IMPG1: variants seen among roughly 807,000 people sequenced by gnomAD.
The protein encoded by IMPG1 is interphotoreceptor matrix proteoglycan 1, also known as interphotoreceptor matrix proteoglycan of 150 kDa.
In IMPG1, 85 loss-of-function variants were observed where a neutral mutation model predicts 92.0. The ratio of observed to expected loss-of-function variants is 0.92; its 90% CI spans 0.78 to 1.11. IMPG1 has a LOEUF of 1.11. Among genes scored for constraint, IMPG1 ranks in the 50% least tolerant of loss-of-function variants. IMPG1 has a pLI of 0.00. For synonymous variants in IMPG1, 367 were observed against 334.1 expected, an observed-to-expected ratio of 1.10 and a Z score of -1.08; for missense variants, 1,022 against 956.0, an observed-to-expected ratio of 1.07 and a Z score of -0.91.
chr6:75,924,486 A>AATATAATATT (rs1367619168), intron 15 of IMPG1, among the ~76,000 whole-genome samples: 3 of 92,460 alleles, frequency 3.2e-5, no homozygotes, highest in African/African-American at 1.3e-4. Context: ...TATATATTAT[A>AATATAATATT]ATATAATATA....
chr6:76,059,733 C>T (rs1214411550), intron 1 of IMPG1, among the ~76,000 whole-genome samples: 1 of 152,154 alleles, frequency 6.6e-6, no homozygotes, highest in Non-Finnish European at 1.5e-5. Context: ...ACTTGGCACT[C>T]TCTGCCTTAG....
At position 76,018,835 on chromosome 6, in the gene IMPG1, C is replaced by T; in HGVS notation, c.690G>A (p.Val230=). The change falls in exon 7 of 17, where the codon GTG becomes GTA. Residue 230 remains valine, a synonymous_variant. Transcript: ENST00000369950. ...PTTERETEFA[V]LEEQRVELSV... ...TGAGCTCCACCCTCTGCTCCTCCAA[C>T]ACAGCGAATTCTGTTTCTCTTTCCT... is the stretch of plus-strand genomic sequence containing the variant. 6 of 1,599,094 alleles carry T rather than the reference C, an allele frequency of 3.8e-6. 1 individual carries two copies. The East Asian group carries it at 1.4e-4, about 36-fold the overall frequency.
intron 14 of IMPG1, among the ~76,000 whole-genome samples, 164 bp from the exon 15 acceptor site, chr6:75,931,315 T>C (rs1781666145): frequency 6.6e-6 from 1 of 152,254 alleles, no homozygotes; most frequent in Non-Finnish European, 1.5e-5. Flanking sequence ...ATTCTGTATC[T>C]TTGAAAAATG....
intron 2 of IMPG1, among the ~76,000 whole-genome samples, chr6:76,038,186 T>C (rs1280424828): frequency 1.3e-5 from 2 of 152,200 alleles, no homozygotes; most frequent in Non-Finnish European, 2.9e-5. Flanking sequence ...AGAGGTACTA[T>C]TTTTGTTGTG....
intron 1 of IMPG1, among the ~76,000 whole-genome samples, chr6:76,047,311 G>A (rs1333829061): frequency 1.3e-5 from 2 of 152,126 alleles, no homozygotes; most frequent in South Asian, 2.1e-4. Flanking sequence ...CCAGTGAAAT[G>A]TTACATTCTC....
chr6:76,071,706 A>G (rs1020262167), intron 1 of IMPG1, among the ~76,000 whole-genome samples: 3 of 152,136 alleles, frequency 2.0e-5, no homozygotes, highest in Non-Finnish European at 4.4e-5. Flanking sequence ...CAAATGTCTT[A>G]AAAAGATTGA....
intron 12 of IMPG1, among the ~76,000 whole-genome samples, chr6:75,987,882 C>T (rs1782744996): frequency 1.3e-5 from 2 of 152,208 alleles, no homozygotes; most frequent in South Asian, 2.1e-4. Context: ...CTCCTGACCT[C>T]GTGATCCACC....
intron 13 of IMPG1, 62 bp from the exon 14 acceptor site, chr6:75,947,595 C>T: frequency 9.5e-7 from 1 of 1,049,222 alleles, no homozygotes; most frequent in Non-Finnish European, 1.4e-6. Flanking sequence ...CTGCTAATTC[C>T]ACTTACACTC....
chr6:76,020,240 A>G (rs912217773), intron 6 of IMPG1, among the ~76,000 whole-genome samples: 1 of 151,960 alleles, frequency 6.6e-6, no homozygotes, highest in Admixed American at 6.6e-5. Flanking sequence ...TTTTGTGAAG[A>G]TGGGGTCTCC....
chr6:76,061,547 T>A (rs1335506338), intron 1 of IMPG1, among the ~76,000 whole-genome samples: 1 of 152,124 alleles, frequency 6.6e-6, no homozygotes, highest in African/African-American at 2.4e-5. Context: ...AAATGCAAAT[T>A]CCCTGACATC....
At chr6:76,019,802 G>A (rs1783383750) in intron 6 of IMPG1, among the ~76,000 whole-genome samples, 1 of 152,170 alleles carries the variant, frequency 6.6e-6, no homozygotes, top group African/African-American at 2.4e-5. Flanking sequence ...AGGCAAATTG[G>A]AAGTTTCATG....
chr6:75,951,814 C>T (rs112174279), intron 12 of IMPG1, among the ~76,000 whole-genome samples: 2,404 of 152,164 alleles, frequency 0.016, 71 homozygotes, highest in African/African-American at 0.054. Context: ...TAGTAGTACA[C>T]GCCTGTAATT....
At chr6:76,065,073 C>T (rs1399575747) in intron 1 of IMPG1, among the ~76,000 whole-genome samples, 4 of 151,870 alleles carry the variant, frequency 2.6e-5, no homozygotes, top group East Asian at 3.9e-4. Context: ...ATTATAGTTA[C>T]ATCCTGAAGG....
At chr6:76,006,662 A>G (rs909591263) in intron 9 of IMPG1, among the ~76,000 whole-genome samples, 2 of 151,984 alleles carry the variant, frequency 1.3e-5, no homozygotes, top group Non-Finnish European at 2.9e-5. Flanking sequence ...ACAACTTTAA[A>G]TGATACATAA....
chr6:76,014,268 T>TC (rs1783244483), intron 7 of IMPG1, among the ~76,000 whole-genome samples: 1 of 152,056 alleles, frequency 6.6e-6, no homozygotes, highest in Non-Finnish European at 1.5e-5. Flanking sequence ...TTTCTCTTAC[T>TC]CCCCCAAGTG....
At chr6:76,041,868 T>C in intron 2 of IMPG1, 25 bp downstream of exon 2, 3 of 1,463,914 alleles carry the variant, frequency 2.0e-6, no homozygotes. Flanking sequence ...AACACAAGGC[T>C]AAACGGTTTC....
At chr6:75,992,181 G>T (rs1304794967) in intron 12 of IMPG1, among the ~76,000 whole-genome samples, 1 of 152,216 alleles carries the variant, frequency 6.6e-6, no homozygotes, top group African/African-American at 2.4e-5. Flanking sequence ...AACAAGAACT[G>T]CATCAAAGTG....
intron 1 of IMPG1, among the ~76,000 whole-genome samples, chr6:76,068,447 A>G (rs1262855957): frequency 6.6e-6 from 1 of 152,074 alleles, no homozygotes; most frequent in African/African-American, 2.4e-5. Context: ...AGGTGACACA[A>G]ACAAATGGAA....
At chr6:76,035,960 G>T (rs1441927298) in intron 2 of IMPG1, among the ~76,000 whole-genome samples, 1 of 152,148 alleles carries the variant, frequency 6.6e-6, no homozygotes, top group African/African-American at 2.4e-5. Context: ...ACAGCTGATT[G>T]ATAGATCATT....
Sources: gnomAD v4.1 joint callset for allele counts (sites outside exome capture counted in the v4.1 genomes callset) on GRCh38, gnomAD v4.1.1 for gene constraint, MANE v1.5 for transcripts, NCBI Gene and HGNC (gene_info 2026-07-23, HGNC 2026-07-21) for gene names.